Variants in LRCH1 observed in about 807,000 individuals in gnomAD.
The protein encoded by LRCH1 is leucine-rich repeat and calponin homology domain-containing protein 1.
A neutral mutation model predicts 94.9 loss-of-function variants in LRCH1; 23 were observed. The ratio of observed to expected loss-of-function variants is 0.24; its 90% CI spans 0.17 to 0.34. The LOEUF is 0.34. Among genes scored for constraint, LRCH1 ranks in the 10% least tolerant of loss-of-function variants. The pLI is 1.00. For missense variants in LRCH1, 790 were observed against 945.9 expected (o/e 0.84, Z 2.16); for synonymous variants, 364 against 354.9 (o/e 1.03, Z -0.29).
chr13:46,689,325 G>T (rs1273943233), intron 7 of LRCH1, 129 bp downstream of exon 7: 3 of 626,774 alleles, frequency 4.8e-6, no homozygotes, highest in East Asian at 5.7e-5. Flanking sequence ...AAAGTGATTT[G>T]TATATTCATG....
At chr13:46,633,218 A>T (rs1439020933) in intron 1 of LRCH1, among the ~76,000 whole-genome samples, 1 of 152,230 alleles carries the variant, frequency 6.6e-6, no homozygotes, top group African/African-American at 2.4e-5. Flanking sequence ...AAAATTGCCC[A>T]AGGAAGTATT....
chr13:46,728,146 G>T (rs1031513644), intron 17 of LRCH1, among the ~76,000 whole-genome samples: 1 of 152,036 alleles, frequency 6.6e-6, no homozygotes, highest in African/African-American at 2.4e-5. Context: ...TCAAACTCCT[G>T]AGCTCAGGCA....
intron 5 of LRCH1, among the ~76,000 whole-genome samples, chr13:46,686,524 A>C (rs1201255125): frequency 6.6e-6 from 1 of 152,034 alleles, no homozygotes; most frequent in Non-Finnish European, 1.5e-5. Context: ...TTCCAGTAAT[A>C]TTTTGAGGTT....
rs79236234 is a variant in LRCH1, at chr13:46,700,685, C to G, written c.1314-436C>G. Among the ~76,000 whole-genome samples, 681 of 152,330 alleles carry G rather than the reference C, an allele frequency of 4.5e-3. 6 individuals are homozygous for G. Among genetic ancestry groups the G allele is most frequent in the African/African-American group, 0.013 (560 of 41,570 alleles). On this transcript the variant is annotated intron_variant, in intron 10 of 19. Coordinates refer to ENST00000389797, the MANE Select transcript of LRCH1 (RefSeq NM_001164211.2). ...CATCTAGAGTTTGGACTGAGAACCACTGTCCCACACTGAAACCCTATATGC... is the reference window on the plus strand; with the variant it reads ...CATCTAGAGTTTGGACTGAGAACCAGTGTCCCACACTGAAACCCTATATGC...
At chr13:46,712,379 AT>A (rs1220764690) in intron 14 of LRCH1, 145 bp from the exon 15 acceptor site, 29 of 636,978 alleles carry the variant, frequency 4.6e-5, no homozygotes, top group Admixed American at 8.3e-5. Flanking sequence ...TTACAAAGTG[AT>A]TTTTTTTGGC....
At chr13:46,602,180 T>C (rs996947416) in intron 1 of LRCH1, among the ~76,000 whole-genome samples, 7 of 152,250 alleles carry the variant, frequency 4.6e-5, no homozygotes, top group Non-Finnish European at 1.0e-4. Flanking sequence ...TTAATGCAAC[T>C]ATGTATAGCT....
chr13:46,726,762 C>T (rs1370428072), intron 17 of LRCH1, among the ~76,000 whole-genome samples: 1 of 151,758 alleles, frequency 6.6e-6, no homozygotes, highest in African/African-American at 2.4e-5. Context: ...ACCCCTCCCC[C>T]ACTCCCTGGC....
intron 8 of LRCH1, among the ~76,000 whole-genome samples, chr13:46,692,857 T>G (rs1870973253): frequency 6.6e-6 from 1 of 152,174 alleles, no homozygotes; most frequent in East Asian, 1.9e-4. Context: ...AAACCAAGAC[T>G]CAGAGAGTTT....
chr13:46,573,866 A>ATATATATATAT, intron 1 of LRCH1, among the ~76,000 whole-genome samples: 7 of 63,394 alleles, frequency 1.1e-4, no homozygotes, highest in South Asian at 6.7e-4. Context: ...ATATATATAT[A>ATATATATATAT]TTTTTTTTTT....
In LRCH1 at chr13:46,742,499, G is replaced by A. The variant is rs568301499; in HGVS notation, c.*651G>A. The A allele has an allele frequency of 2.8e-5, 28 of 985,422 alleles. No individual in the cohort carries two copies. In the African/African-American group the frequency reaches 3.0e-4, roughly 10 times the overall value. The allele number at this position is 985,422 out of a possible 1,614,324, so 61.0% of individuals were successfully genotyped here. A position where few individuals can be genotyped will look rare whatever the true frequency, so the allele number is the denominator to read the frequency against. ...CAGTGTGGCCGCCAACTTCCACCCCGGCAAGCCCCTCTGTCCTATGCAGAA... is the reference window on the plus strand; with the variant it reads ...CAGTGTGGCCGCCAACTTCCACCCCAGCAAGCCCCTCTGTCCTATGCAGAA... On this transcript the variant is annotated 3_prime_UTR_variant, in exon 20 of 20. Transcript: ENST00000389797.
Position 46,720,036 on chromosome 13 carries a change from A to G in LRCH1, c.1760-3185A>G, listed in dbSNP as rs987826001. Among the ~76,000 whole-genome samples the G allele has an allele frequency of 2.6e-5, 4 of 152,026 alleles. No homozygotes were observed. The East Asian group carries it at 7.7e-4, about 29-fold the overall frequency. On this transcript the variant is annotated intron_variant, in intron 16 of 19. Transcript: ENST00000389797. ...AATAAATGTTATTTATACAACATAC[A>G]GTAATTAAACTATAGGCTTAATTTA...
chr13:46,689,222 C>T (rs761350211), intron 7 of LRCH1, 26 bp downstream of exon 7: 3 of 1,587,034 alleles, frequency 1.9e-6, no homozygotes, highest in Non-Finnish European at 2.6e-6. Context: ...AGATTCTTTT[C>T]CTTCTGTACT....
chr13:46,556,417 A>G (rs895843655), intron 1 of LRCH1, among the ~76,000 whole-genome samples: 1 of 152,238 alleles, frequency 6.6e-6, no homozygotes, highest in African/African-American at 2.4e-5. Context: ...ATTTACTTCT[A>G]TTTGAATCAA....
intron 1 of LRCH1, among the ~76,000 whole-genome samples, chr13:46,632,765 A>C (rs1488870354): frequency 6.6e-6 from 1 of 152,238 alleles, no homozygotes; most frequent in Non-Finnish European, 1.5e-5. Flanking sequence ...GTGTGATCAA[A>C]ATGAGAGGAA....
intron 11 of LRCH1, among the ~76,000 whole-genome samples, chr13:46,701,588 G>A (rs1274547933): frequency 6.6e-6 from 1 of 152,164 alleles, no homozygotes; most frequent in East Asian, 1.9e-4. Flanking sequence ...GAAAGAATTG[G>A]TATATCAAGT....
At chr13:46,572,682 A>G (rs541865528) in intron 1 of LRCH1, among the ~76,000 whole-genome samples, 1 of 152,358 alleles carries the variant, frequency 6.6e-6, no homozygotes, top group Middle Eastern at 3.4e-3. Context: ...ATTGTGGGCA[A>G]AAGAAGGTAA....
chr13:46,661,622 C>T (rs1353985052), intron 2 of LRCH1, among the ~76,000 whole-genome samples: 1 of 152,078 alleles, frequency 6.6e-6, no homozygotes, highest in African/African-American at 2.4e-5. Context: ...TAGTAGTTGT[C>T]AAGTTATACA....
intron 1 of LRCH1, among the ~76,000 whole-genome samples, chr13:46,561,269 A>G (rs992407569): frequency 8.5e-5 from 13 of 152,138 alleles, no homozygotes; most frequent in African/African-American, 2.9e-4. Flanking sequence ...AGGTTATTTG[A>G]TTTTGGGATC....
intron 1 of LRCH1, among the ~76,000 whole-genome samples, chr13:46,575,510 ATGTGTGTGTG>A (rs59582784): frequency 2.1e-4 from 30 of 143,368 alleles, no homozygotes; most frequent in Non-Finnish European, 7.6e-5. Context: ...CTGTGCATGA[ATGTGTGTGTG>A]TGTGTGTGTG....
Sources: gnomAD v4.1 joint callset for allele counts (sites outside exome capture counted in the v4.1 genomes callset) on GRCh38, gnomAD v4.1.1 for gene constraint, MANE v1.5 for transcripts, NCBI Gene and HGNC (gene_info 2026-07-23, HGNC 2026-07-21) for gene names.